Variants in GPC6 observed in about 807,000 individuals in gnomAD.
GPC6 encodes glypican 6, also known as glypican-6.
A neutral mutation model predicts 55.2 loss-of-function variants in GPC6; 14 were observed. The observed-to-expected ratio is 0.25, with a 90% CI of 0.17 to 0.40. GPC6 has a LOEUF of 0.40. GPC6 is among the 10% of genes least tolerant of loss of function. The pLI is 1.00. For synonymous variants in GPC6, 278 were observed against 259.6 expected (o/e 1.07, Z -0.68); for missense variants, 641 against 708.5 (o/e 0.90, Z 1.08).
At chr13:93,836,064 T>G (rs1212428197) in intron 3 of GPC6, 2 of 152,192 alleles carry the variant, frequency 1.3e-5, no homozygotes, top group Non-Finnish European at 2.9e-5. Context: ...CACCTACGTC[T>G]GCTACATAGA....
At chr13:94,199,305 A>T (rs1397968987) in intron 4 of GPC6, among the ~76,000 whole-genome samples, 2 of 152,188 alleles carry the variant, frequency 1.3e-5, no homozygotes, top group East Asian at 1.9e-4. Flanking sequence ...TGCTAAATTG[A>T]CCTTGACTCA....
At chr13:93,703,074 A>G (rs1236101412) in intron 2 of GPC6, among the ~76,000 whole-genome samples, 5 of 151,968 alleles carry the variant, frequency 3.3e-5, no homozygotes, top group Admixed American at 6.6e-5. Flanking sequence ...AAATGCTTAC[A>G]TCACTAAACT....
At chr13:93,782,618 T>C (rs1885688834) in intron 2 of GPC6, among the ~76,000 whole-genome samples, 4 of 152,134 alleles carry the variant, frequency 2.6e-5, no homozygotes. Context: ...TTGATAACAG[T>C]CATCGTAACA....
At chr13:93,781,130 G>T (rs1375959873) in intron 2 of GPC6, among the ~76,000 whole-genome samples, 5 of 151,902 alleles carry the variant, frequency 3.3e-5, no homozygotes. Context: ...ACAAAAATTA[G>T]CTGGGCATTG....
chr13:94,175,937 C>CATATATATATATAT lies in GPC6; in HGVS notation c.878-110406_878-110393dup, dbSNP rs377560714. Among the ~76,000 whole-genome samples, 4 of 127,884 alleles carry CATATATATATATAT rather than the reference C, an allele frequency of 3.1e-5. No homozygotes were observed. The East Asian group carries it at 6.6e-4, about 21-fold the overall frequency. The allele number at this position is 127,884 out of a possible 152,430, so 83.9% of individuals were successfully genotyped here. A position where few individuals can be genotyped will look rare whatever the true frequency, so the allele number is the denominator to read the frequency against. ...CCCAAAAGGGAGTATCCAAATGAGC[C>CATATATATATATAT]ATATATATATATATATATAGAGAGA... On this transcript the variant is annotated intron_variant, in intron 4 of 8. Coordinates refer to ENST00000377047, the MANE Select transcript of GPC6 (RefSeq NM_005708.5).
intron 4 of GPC6, among the ~76,000 whole-genome samples, chr13:94,238,001 A>G (rs1343672856): frequency 6.6e-6 from 1 of 152,180 alleles, no homozygotes; most frequent in Non-Finnish European, 1.5e-5. Context: ...GATGCAGGAT[A>G]GTTTTTGGAA....
intron 2 of GPC6, among the ~76,000 whole-genome samples, chr13:93,696,158 A>T (rs1434405602): frequency 6.6e-6 from 1 of 152,130 alleles, no homozygotes; most frequent in Non-Finnish European, 1.5e-5. Flanking sequence ...ATCCAAGAAA[A>T]TGTTATATTT....
chr13:94,014,294 A>G (rs1481116573), intron 3 of GPC6, among the ~76,000 whole-genome samples: 1 of 152,228 alleles, frequency 6.6e-6, no homozygotes, highest in East Asian at 1.9e-4. Context: ...GTATTAAAAT[A>G]TCATTTAGGT....
chr13:94,395,382 C>T (rs1880852092), intron 7 of GPC6, among the ~76,000 whole-genome samples: 1 of 152,108 alleles, frequency 6.6e-6, no homozygotes, highest in African/African-American at 2.4e-5. Flanking sequence ...ATACTTAAAG[C>T]TTCATGGAAA....
the GPC6 span, among the ~76,000 whole-genome samples, chr13:93,218,686 G>A: frequency 1.3e-5 from 2 of 152,196 alleles, no homozygotes; most frequent in Admixed American, 1.3e-4. Context: ...CAAAGAATAT[G>A]CCACAGGTTT....
intron 1 of GPC6, among the ~76,000 whole-genome samples, chr13:93,507,510 G>A (rs1880781403): frequency 1.3e-5 from 2 of 152,126 alleles, no homozygotes; most frequent in Admixed American, 1.3e-4. Flanking sequence ...CTATAGGTCA[G>A]CTCACTACTT....
intron 3 of GPC6, among the ~76,000 whole-genome samples, chr13:93,947,557 T>A (rs981111832): frequency 2.0e-5 from 3 of 152,126 alleles, no homozygotes; most frequent in Non-Finnish European, 1.5e-5. Flanking sequence ...CTAAAAAAAA[T>A]TCAGGCAACT....
intron 2 of GPC6, among the ~76,000 whole-genome samples, chr13:93,795,826 A>G (rs894148724): frequency 6.6e-6 from 1 of 152,106 alleles, no homozygotes; most frequent in Admixed American, 6.5e-5. Flanking sequence ...TGACCTGTAG[A>G]TTGTGTTGGA....
chr13:94,360,251 T>C (rs1462696399), intron 6 of GPC6, among the ~76,000 whole-genome samples: 2 of 152,256 alleles, frequency 1.3e-5, no homozygotes, highest in East Asian at 3.8e-4. Context: ...TATGGTATTG[T>C]GCATCTAGAA....
At chr13:94,184,962 TA>T (rs765677420) in intron 4 of GPC6, among the ~76,000 whole-genome samples, 6 of 151,972 alleles carry the variant, frequency 3.9e-5, no homozygotes, top group Non-Finnish European at 7.4e-5. Flanking sequence ...TATGCAACCA[TA>T]AAAAAGAATG....
intron 6 of GPC6, among the ~76,000 whole-genome samples, chr13:94,349,095 C>T (rs559297424): frequency 1.3e-5 from 2 of 152,270 alleles, no homozygotes; most frequent in South Asian, 2.1e-4. Flanking sequence ...TGTGGAACCT[C>T]GAAAAGCCCC....
At chr13:93,655,175 G>C (rs142176606) in intron 2 of GPC6, among the ~76,000 whole-genome samples, 2 of 152,016 alleles carry the variant, frequency 1.3e-5, no homozygotes, top group Non-Finnish European at 2.9e-5. Flanking sequence ...ATCAGTCATT[G>C]TGACTTAGAA....
At chr13:94,045,694 G>T (rs1438445226) in intron 4 of GPC6, among the ~76,000 whole-genome samples, 2 of 149,960 alleles carry the variant, frequency 1.3e-5, no homozygotes, top group African/African-American at 2.5e-5. Context: ...CTGTAACTCA[G>T]CCACTTGTTA....
chr13:94,310,346 C>A (rs186730338), intron 6 of GPC6, among the ~76,000 whole-genome samples: 36 of 152,210 alleles, frequency 2.4e-4, no homozygotes, highest in Admixed American at 5.9e-4. Context: ...CATAAATCTC[C>A]AGTAAGTATT....
Sources: allele counts gnomAD v4.1 joint callset (sites outside exome capture counted in the v4.1 genomes callset), GRCh38; gene constraint gnomAD v4.1.1; transcripts MANE v1.5; gene names NCBI Gene and HGNC (gene_info 2026-07-23, HGNC 2026-07-21).